CCNT1: variants seen among roughly 807,000 people sequenced by gnomAD.
The protein encoded by CCNT1 is cyclin-T1.
Under a neutral mutation model 67.3 loss-of-function variants are expected in CCNT1, and 18 were observed. The observed-to-expected ratio is 0.27, with a 90% CI of 0.18 to 0.40. The LOEUF is 0.40. CCNT1 is among the 10% of genes least tolerant of loss of function. The probability of loss-of-function intolerance (pLI) is 1.00; values close to 1 mark genes in which losing one functional copy is unlikely to be tolerated. For missense variants in CCNT1, 744 were observed against 884.9 expected, an observed-to-expected ratio of 0.84 and a Z score of 2.02; for synonymous variants, 333 against 310.3, an observed-to-expected ratio of 1.07 and a Z score of -0.77.
At chr12:48,695,424 T>C (rs1053801578) in intron 8 of CCNT1, among the ~76,000 whole-genome samples, 5 of 152,198 alleles carry the variant, frequency 3.3e-5, no homozygotes, top group Non-Finnish European at 7.3e-5. Flanking sequence ...GCTCTAACCT[T>C]GTAATTCTCT....
At chr12:48,704,562 C>T (rs1307821469) in intron 3 of CCNT1, among the ~76,000 whole-genome samples, 1 of 152,108 alleles carries the variant, frequency 6.6e-6, no homozygotes, top group African/African-American at 2.4e-5. Flanking sequence ...TGTAATCCCA[C>T]CACTGTGGGA....
chr12:48,709,473 T>G lies in CCNT1; in HGVS notation c.244-3577A>C, dbSNP rs543968541. 2.0e-5 allele frequency among the ~76,000 whole-genome samples: 3 copies of G among 152,336 alleles called. 1 individual carries two copies. Among genetic ancestry groups the G allele is most frequent in the Admixed American group, 1.3e-4 (2 of 15,300 alleles). On this transcript the variant is annotated intron_variant, in intron 2 of 8. Transcript: ENST00000261900. ...AATGCTTATATAAGTGCACTATATA[T>G]GTACAAGACTATCCCATGAAACATA...
At chr12:48,707,568 C>T (rs1040093521) in intron 2 of CCNT1, among the ~76,000 whole-genome samples, 1 of 151,266 alleles carries the variant, frequency 6.6e-6, no homozygotes, top group Non-Finnish European at 1.5e-5. Context: ...GTGTGAGTCA[C>T]CTCACCCAGC....
Position 48,693,709 on chromosome 12 carries a change from T to C in CCNT1, c.1505A>G (p.Lys502Arg), listed in dbSNP as rs1339807819. 1 of 1,614,154 alleles carries C rather than the reference T, an allele frequency of 6.2e-7. No homozygotes were observed. The highest frequency in any genetic ancestry group is 8.5e-7 in the Non-Finnish European group (1 of 1,180,034). ...KHNSVEDSVT[K>R]SREHKEKHKT... ...GTGCTTTTCTTTGTGCTCTCGGCTC[T>C]TTGTAACACTGTCCTCTACAGAATT... is the stretch of plus-strand genomic sequence containing the variant. The change falls in exon 9 of 9, where the codon AAG becomes AGG. Residue 502 changes from lysine (K) to arginine (R), a missense_variant. Physicochemically the swap from Lys to Arg is conservative, Grantham distance 26. Around this residue, in one of 3 missense-constraint regions of CCNT1, gnomAD observed 564 missense variants for 574.2 expected, o/e 0.98. Coordinates refer to ENST00000261900, the MANE Select transcript of CCNT1 (RefSeq NM_001240.4).
chr12:48,715,218 G>C (rs1342297560), intron 1 of CCNT1, among the ~76,000 whole-genome samples: 1 of 152,180 alleles, frequency 6.6e-6, no homozygotes, highest in Non-Finnish European at 1.5e-5. Flanking sequence ...AGGATGCTTA[G>C]GAAACAAACC....
chr12:48,715,055 G>A (rs1592128455), intron 1 of CCNT1, among the ~76,000 whole-genome samples: 1 of 152,262 alleles, frequency 6.6e-6, no homozygotes, highest in South Asian at 2.1e-4. Context: ...TCAACTGATC[G>A]ACCTGCCTTG....
chr12:48,693,061 G>A lies in CCNT1; in HGVS notation c.2153C>T (p.Pro718Leu). 1 of 1,610,354 alleles carries A rather than the reference G, an allele frequency of 6.2e-7. No homozygotes were observed. The highest frequency in any genetic ancestry group is 8.5e-7 in the Non-Finnish European group (1 of 1,177,004). ...PRPPPLPSEP[P>L]PPLPPLPK ...CTTAGGAAGGGGTGGAAGTGGTGGA[G>A]GAGGTTCTGATGGCAGAGGTGGTGG... is the stretch of plus-strand genomic sequence containing the variant. The change falls in exon 9 of 9, where the codon CCT (proline) becomes CTT (leucine). Residue 718 changes from proline (P) to leucine (L), a missense_variant. This residue lies in a region of CCNT1 where 564 missense variants were observed against 574.2 expected (regional missense o/e 0.98). Transcript: ENST00000261900.
Position 48,689,993 on chromosome 12 carries a change from G to A in CCNT1, c.*3040C>T, listed in dbSNP as rs1940047456. On this transcript the variant is annotated 3_prime_UTR_variant, in exon 9 of 9. Transcript: ENST00000261900. Reference sequence around the variant, plus strand: ...AAACACTAAAATCATTTTTAAAAAGGAAGAAAAAAGAAGTTGAGGCTCTCT... The same window carrying A: ...AAACACTAAAATCATTTTTAAAAAGAAAGAAAAAAGAAGTTGAGGCTCTCT... 1 of 152,106 alleles carries A rather than the reference G, an allele frequency of 6.6e-6. No individual in the cohort carries two copies. The highest frequency in any genetic ancestry group is 2.4e-5 in the African/African-American group (1 of 41,412). 9.4% of individuals were successfully genotyped at this position (152,106 alleles called of 1,614,324 possible). A position where few individuals can be genotyped will look rare whatever the true frequency, so the allele number is the denominator to read the frequency against.
In CCNT1 at chr12:48,693,713, T is replaced by C. The variant is rs2137222371; in HGVS notation, c.1501A>G (p.Thr501Ala). ...TTTTCTTTGTGCTCTCGGCTCTTTGTAACACTGTCCTCTACAGAATTGTGC... is the reference window on the plus strand; with the variant it reads ...TTTTCTTTGTGCTCTCGGCTCTTTGCAACACTGTCCTCTACAGAATTGTGC... ...DKHNSVEDSV[T>A]KSREHKEKHK... is the part of the protein sequence containing the mutation. The change falls in exon 9 of 9, where the codon ACA becomes GCA. Residue 501 changes from threonine to alanine, a missense_variant. Thr to Ala is a moderately conservative substitution (Grantham distance 58). Transcript: ENST00000261900. The C allele has an allele frequency of 1.2e-6, 2 of 1,614,162 alleles. No individual in the cohort carries two copies. Among genetic ancestry groups the C allele is most frequent in the South Asian group, 2.2e-5 (2 of 91,088 alleles).
chr12:48,710,976 G>C (rs897906299), intron 2 of CCNT1, among the ~76,000 whole-genome samples: 2 of 152,104 alleles, frequency 1.3e-5, no homozygotes, highest in African/African-American at 2.4e-5. Context: ...CAGGAGAATT[G>C]CTGGAACCCA....
intron 3 of CCNT1, among the ~76,000 whole-genome samples, chr12:48,703,487 C>T (rs1438733251): frequency 1.3e-5 from 2 of 151,150 alleles, no homozygotes; most frequent in African/African-American, 2.4e-5. Flanking sequence ...GCAGGCAAAT[C>T]GCTTGAACCC....
At chr12:48,705,042 A>G (rs1179169709) in intron 3 of CCNT1, among the ~76,000 whole-genome samples, 1 of 152,174 alleles carries the variant, frequency 6.6e-6, no homozygotes, top group African/African-American at 2.4e-5. Flanking sequence ...TCTAGAATAT[A>G]TCTGAGAGAT....
At chr12:48,713,015 T>C (rs1391184591) in intron 2 of CCNT1, among the ~76,000 whole-genome samples, 1 of 152,104 alleles carries the variant, frequency 6.6e-6, no homozygotes, top group East Asian at 1.9e-4. Flanking sequence ...ATTAAGTAAA[T>C]ACAGTCCTTC....
At chr12:48,714,421 C>A (rs1350163122) in intron 2 of CCNT1, 22 bp downstream of exon 2, 5 of 1,449,340 alleles carry the variant, frequency 3.4e-6, no homozygotes, top group African/African-American at 1.4e-5. Context: ...AGGATTATAT[C>A]ATATAAAAAA....
chr12:48,699,697 AT>A, intron 5 of CCNT1, 80 bp downstream of exon 5: 1 of 931,370 alleles, frequency 1.1e-6, no homozygotes, highest in Non-Finnish European at 1.7e-6. Context: ...AAGCAGAACT[AT>A]TATGTATTGT....
rs1940041123 is a variant in CCNT1 at position 48,689,610 on chromosome 12, T to C, written c.*3423A>G. ...AAAAGAATAAAATTTGTATTTCAACTGCAAGATGTTCTAGATTCTCTCTTT... is the reference window on the plus strand; with the variant it reads ...AAAAGAATAAAATTTGTATTTCAACCGCAAGATGTTCTAGATTCTCTCTTT... On this transcript the variant is annotated 3_prime_UTR_variant, in exon 9 of 9. Coordinates refer to ENST00000261900, the MANE Select transcript of CCNT1 (RefSeq NM_001240.4). 1 of 152,232 alleles carries C rather than the reference T, an allele frequency of 6.6e-6. No homozygotes were observed. The highest frequency in any genetic ancestry group is 2.4e-5 in the African/African-American group (1 of 41,468). The allele number at this position is 152,232 out of a possible 1,614,324, so 9.4% of individuals were successfully genotyped here. A position where few individuals can be genotyped will look rare whatever the true frequency, so the allele number is the denominator to read the frequency against.
intron 1 of CCNT1, among the ~76,000 whole-genome samples, chr12:48,715,146 A>C (rs1394268737): frequency 6.6e-6 from 1 of 152,204 alleles, no homozygotes; most frequent in Non-Finnish European, 1.5e-5. Context: ...TACAAAAAGG[A>C]AAGCATTTTA....
At chr12:48,701,952 A>C (rs1467185560) in intron 3 of CCNT1, among the ~76,000 whole-genome samples, 5 of 149,512 alleles carry the variant, frequency 3.3e-5, no homozygotes, top group Non-Finnish European at 7.4e-5. Context: ...GCTGGAGTGC[A>C]GTGGCGCGAC....
Position 48,698,202 on chromosome 12 carries a change from AGT to A in CCNT1, c.497-21_497-20del. 6.5e-7 allele frequency: 1 copy of A among 1,537,368 alleles called. No individual in the cohort carries two copies. On this transcript the variant is annotated intron_variant, in intron 5 of 8. Coordinates refer to ENST00000261900, the MANE Select transcript of CCNT1 (RefSeq NM_001240.4). Reference sequence around the variant, plus strand: ...TTGCTTGCTAAAGAAAAAAAAAAAAAGTCAGGGGTGGGGGAGGAAAAAAGTTA... The same window carrying A: ...TTGCTTGCTAAAGAAAAAAAAAAAAACAGGGGTGGGGGAGGAAAAAAGTTA...
Sources: gnomAD v4.1 joint callset for allele counts (sites outside exome capture counted in the v4.1 genomes callset) on GRCh38, gnomAD v4.1.1 for gene constraint, gnomAD v4.1.1 regional missense constraint, MANE v1.5 for transcripts, NCBI Gene and HGNC (gene_info 2026-07-23, HGNC 2026-07-21) for gene names.